Variants in OSBPL3 observed in about 807,000 individuals in gnomAD.
The protein encoded by OSBPL3 is oxysterol binding protein like 3, also known as oxysterol-binding protein-related protein 3.
Under a neutral mutation model 120.1 loss-of-function variants are expected in OSBPL3, and 65 were observed. The observed-to-expected ratio is 0.54, with a 90% CI of 0.44 to 0.67. OSBPL3 has a LOEUF of 0.67. Ranked by LOEUF, OSBPL3 falls within the 30% of genes least tolerant of loss-of-function variation. The pLI, the probability that OSBPL3 is intolerant of heterozygous loss-of-function variation, is 0.00. For missense variants in OSBPL3, 1,004 were observed against 1,082.1 expected (o/e 0.93, Z 1.01); for synonymous variants, 416 against 402.6 (o/e 1.03, Z -0.40).
intron 13 of OSBPL3, 66 bp downstream of exon 13, chr7:24,842,213 A>G: frequency 6.6e-7 from 1 of 1,515,760 alleles, no homozygotes; most frequent in Non-Finnish European, 9.0e-7. Context: ...TTATTTACTG[A>G]ACAGATTAAT....
intron 16 of OSBPL3, among the ~76,000 whole-genome samples, chr7:24,826,838 A>T (rs1795767633): frequency 6.6e-6 from 1 of 152,190 alleles, no homozygotes; most frequent in Admixed American, 6.5e-5. Context: ...AACAATACAG[A>T]GAGGCAAGCT....
intron 1 of OSBPL3, among the ~76,000 whole-genome samples, chr7:24,893,062 G>A (rs1420738368): frequency 6.6e-6 from 1 of 152,132 alleles, no homozygotes; most frequent in Non-Finnish European, 1.5e-5. Flanking sequence ...TTTGGTAGCT[G>A]TTCTATTTCT....
chr7:24,820,225 G>T lies in OSBPL3; in HGVS notation c.1898C>A (p.Pro633Gln), dbSNP rs749672339. The T allele has an allele frequency of 1.2e-6, 2 of 1,611,790 alleles. No individual in the cohort carries two copies. Residue 633 changes from proline to glutamine, a missense_variant, in exon 17 of 23, where the codon CCG becomes CAG. Around this residue, in one of 4 missense-constraint regions of OSBPL3, gnomAD observed 473 missense variants for 568.0 expected, o/e 0.83. Transcript: ENST00000313367. The surrounding 1 kb of genome is among the most constrained non-coding windows in gnomAD (Gnocchi z 4.6). ...QFFSEQVSHH[P>Q]PISACHAESR... ...CTCAGCATGACACGCAGAGATAGGC[G>T]GATGGTGGCTGACCTGATGGAAACA...
At position 24,855,108 on chromosome 7, in the gene OSBPL3, C is replaced by T. The variant is rs115030529; in HGVS notation, c.1028-2474G>A. 2.7e-3 allele frequency among the ~76,000 whole-genome samples: 407 copies of T among 152,272 alleles called. 3 individuals are homozygous for T. The highest frequency in any genetic ancestry group is 8.5e-3 in the African/African-American group (353 of 41,544). ...CAGAATCTATGGAGCTGTAGGAGAA[C>T]AGCCTTGGGAGGAGAGCAGCAAGCC... On this transcript the variant is annotated intron_variant, in intron 10 of 22. Coordinates refer to ENST00000313367, the MANE Select transcript of OSBPL3 (RefSeq NM_015550.4). This position sits in a 1 kb window ranked among gnomAD's most constrained non-coding sequence, Gnocchi z 4.3.
intron 22 of OSBPL3, among the ~76,000 whole-genome samples, 174 bp from the exon 23 acceptor site, chr7:24,800,453 C>CTTT (rs766653677): frequency 1.4e-4 from 17 of 119,508 alleles, no homozygotes; most frequent in Admixed American, 9.3e-4. Context: ...AATTTTGTTA[C>CTTT]TTTTTTTTTT....
At chr7:24,857,666 T>G (rs112114605) in intron 10 of OSBPL3, among the ~76,000 whole-genome samples, 9 of 152,334 alleles carry the variant, frequency 5.9e-5, no homozygotes, top group African/African-American at 2.2e-4. Flanking sequence ...AAAGGCTTAT[T>G]ATTTACAATG....
In OSBPL3 at chr7:24,938,378, T is replaced by C. The variant is rs142414238; in HGVS notation, c.-150+41508A>G. ...CCAGACTGTAAGCAACCCATTTCTATTGTTTATAAATTACCCGGTTTATGA... is the reference window on the plus strand; with the variant it reads ...CCAGACTGTAAGCAACCCATTTCTACTGTTTATAAATTACCCGGTTTATGA... On this transcript the variant is annotated intron_variant, in intron 1 of 22. Coordinates refer to ENST00000313367, the MANE Select transcript of OSBPL3 (RefSeq NM_015550.4). This position sits in a 1 kb window ranked among gnomAD's most constrained non-coding sequence, Gnocchi z 5.8. Among the ~76,000 whole-genome samples, 30 of 152,362 alleles carry C rather than the reference T, an allele frequency of 2.0e-4. No homozygotes were observed. In the East Asian group the frequency reaches 3.1e-3, roughly 16 times the overall value.
In OSBPL3 at chr7:24,891,264, C is replaced by G. The variant is rs1165882055; in HGVS notation, c.96+1113G>C. Among the ~76,000 whole-genome samples the G allele has an allele frequency of 6.6e-6, 1 of 151,068 alleles. No homozygotes were observed. Among genetic ancestry groups the G allele is most frequent in the Non-Finnish European group, 1.5e-5 (1 of 67,790 alleles). On this transcript the variant is annotated intron_variant, in intron 2 of 22. Coordinates refer to ENST00000313367, the MANE Select transcript of OSBPL3 (RefSeq NM_015550.4). This position sits in a 1 kb window ranked among gnomAD's most constrained non-coding sequence, Gnocchi z 4.1. ...AACCGATGACAGTGCTGACAAAATT[C>G]TCCTTAACCCCTCAGGGGAGATCCT...
intron 2 of OSBPL3, among the ~76,000 whole-genome samples, chr7:24,888,811 G>A (rs1804904316): frequency 1.3e-5 from 2 of 152,112 alleles, no homozygotes; most frequent in Non-Finnish European, 2.9e-5. Flanking sequence ...AAGAAACAAG[G>A]ACAAGAGAAA....
At chr7:24,807,867 G>A (rs1793266096) in intron 20 of OSBPL3, among the ~76,000 whole-genome samples, 1 of 152,076 alleles carries the variant, frequency 6.6e-6, no homozygotes, top group Non-Finnish European at 1.5e-5. Flanking sequence ...CACATAACAA[G>A]AGAAATGCTT....
At chr7:24,970,119 T>C (rs1163208686) in intron 1 of OSBPL3, among the ~76,000 whole-genome samples, 6 of 145,404 alleles carry the variant, frequency 4.1e-5, no homozygotes, top group African/African-American at 1.5e-4. Context: ...TTTTTTTTTT[T>C]TTTTTTTTGA....
chr7:24,960,907 G>A (rs1215785273), intron 1 of OSBPL3, among the ~76,000 whole-genome samples: 2 of 152,140 alleles, frequency 1.3e-5, no homozygotes, highest in African/African-American at 4.8e-5. Flanking sequence ...TACACCCCTC[G>A]ATCTTACCTT....
At chr7:24,973,809 A>T (rs1039138061) in intron 1 of OSBPL3, among the ~76,000 whole-genome samples, 3 of 152,236 alleles carry the variant, frequency 2.0e-5, no homozygotes, top group Admixed American at 1.3e-4. Flanking sequence ...TATAAAAAAT[A>T]TTATACTCCA....
At chr7:24,921,968 A>G (rs1584628830) in intron 1 of OSBPL3, among the ~76,000 whole-genome samples, 1 of 152,226 alleles carries the variant, frequency 6.6e-6, no homozygotes, top group Admixed American at 6.5e-5. Flanking sequence ...CTCAACATCT[A>G]TGATCAATAC....
rs1466717224 is a variant in OSBPL3 at position 24,830,207 on chromosome 7, T to G, written c.1884+561A>C. Among the ~76,000 whole-genome samples the G allele has an allele frequency of 6.6e-6, 1 of 152,200 alleles. No homozygotes were observed. The highest frequency in any genetic ancestry group is 1.5e-5 in the Non-Finnish European group (1 of 68,044). On this transcript the variant is annotated intron_variant, in intron 16 of 22. Transcript: ENST00000313367. The surrounding 1 kb of genome is among the most constrained non-coding windows in gnomAD (Gnocchi z 4.4). ...AGTACAAGGTTGTGCATCCATCAGA[T>G]GAGGGCAGGGACTCCTGTCCGGACC...
intron 2 of OSBPL3, among the ~76,000 whole-genome samples, chr7:24,890,097 A>G (rs527815309): frequency 2.0e-5 from 3 of 152,222 alleles, no homozygotes; most frequent in Non-Finnish European, 2.9e-5. Context: ...TCCAAAGCAC[A>G]TGAGAAAAAC....
At position 24,892,569 on chromosome 7, in the gene OSBPL3, T is replaced by G; in HGVS notation, c.-97A>C. On this transcript the variant is annotated 5_prime_UTR_variant, in exon 2 of 23. The change abolishes the stop of an existing upstream ORF in the 5' untranslated region. Transcript: ENST00000313367. ...TCCCCAGTGGCAGGTGGTTTAGCTCTTATCCAAAGTATTTAAAAAACATTT... is the reference window on the plus strand; with the variant it reads ...TCCCCAGTGGCAGGTGGTTTAGCTCGTATCCAAAGTATTTAAAAAACATTT... 1 of 1,472,382 alleles carries G rather than the reference T, an allele frequency of 6.8e-7. No homozygotes were observed. The highest frequency in any genetic ancestry group is 9.1e-7 in the Non-Finnish European group (1 of 1,099,594). The allele number at this position is 1,472,382 out of a possible 1,614,324, so 91.2% of individuals were successfully genotyped here.
In OSBPL3 at chr7:24,855,956, C is replaced by T. The variant is rs2007271; in HGVS notation, c.1028-3322G>A. ...TCCAGCTTCCCCGCCAAATGGTCTG[C>T]TGGCCCACGCTTGTCAGAGCACTTG... is the stretch of plus-strand genomic sequence containing the variant. On this transcript the variant is annotated intron_variant, in intron 10 of 22. Coordinates refer to ENST00000313367, the MANE Select transcript of OSBPL3 (RefSeq NM_015550.4). This position sits in a 1 kb window ranked among gnomAD's most constrained non-coding sequence, Gnocchi z 4.3. Among the ~76,000 whole-genome samples the T allele has an allele frequency of 0.61, 92,790 of 152,026 alleles. 28,769 individuals carry two copies. The highest frequency in any genetic ancestry group is 0.87 in the East Asian group (4,484 of 5,182).
chr7:24,872,272 T>A lies in OSBPL3; in HGVS notation c.97-203A>T, dbSNP rs1179086689. 6.6e-6 allele frequency among the ~76,000 whole-genome samples: 1 copy of A among 152,070 alleles called. No individual in the cohort carries two copies. The highest frequency in any genetic ancestry group is 1.5e-5 in the Non-Finnish European group (1 of 67,994). Reference sequence around the variant, plus strand: ...ATAATTTAGTGGCATCAAATTTTGGTTTTTTTAAAGCTCTTTTTTTTTTAG... The same window carrying A: ...ATAATTTAGTGGCATCAAATTTTGGATTTTTTAAAGCTCTTTTTTTTTTAG... On this transcript the variant is annotated intron_variant, in intron 2 of 22. Transcript: ENST00000313367. The surrounding 1 kb of genome is among the most constrained non-coding windows in gnomAD (Gnocchi z 4.1).
Sources: allele counts gnomAD v4.1 joint callset (sites outside exome capture counted in the v4.1 genomes callset), GRCh38; gene constraint gnomAD v4.1.1; regional missense constraint gnomAD v4.1.1; non-coding constraint Gnocchi (gnomAD v3.1); transcripts MANE v1.5; gene names NCBI Gene and HGNC (gene_info 2026-07-23, HGNC 2026-07-21).